The following DOCK1 variants were observed in gnomAD, a reference collection of about 807,000 sequenced individuals.
DOCK1 encodes the protein dedicator of cytokinesis protein 1.
A neutral mutation model predicts 262.7 loss-of-function variants in DOCK1; 138 were observed. The observed-to-expected ratio is 0.53, with a 90% CI of 0.46 to 0.61. The LOEUF (loss-of-function observed/expected upper bound fraction) is 0.61, where lower values mean the gene tolerates loss of function less well. DOCK1 is among the 20% of genes least tolerant of loss of function. DOCK1 has a pLI of 0.00. For synonymous variants in DOCK1, 866 were observed against 867.4 expected, an observed-to-expected ratio of 1.00 and a Z score of 0.03; for missense variants, 1,908 against 2,370.7, an observed-to-expected ratio of 0.80 and a Z score of 4.05.
intron 29 of DOCK1, among the ~76,000 whole-genome samples, chr10:127,285,035 G>C (rs2061098337): frequency 1.3e-5 from 2 of 151,890 alleles, no homozygotes; most frequent in South Asian, 2.1e-4. Context: ...CTACTCTGGA[G>C]GGTGAGGCAG....
At chr10:127,273,384 C>T (rs2060635178) in intron 29 of DOCK1, among the ~76,000 whole-genome samples, 1 of 152,198 alleles carries the variant, frequency 6.6e-6, no homozygotes, top group Non-Finnish European at 1.5e-5. Context: ...TAGGTGGCAG[C>T]TTTAGCTCAG....
chr10:127,132,576 C>A (rs1453712621), intron 27 of DOCK1, among the ~76,000 whole-genome samples: 1 of 152,166 alleles, frequency 6.6e-6, no homozygotes, highest in Non-Finnish European at 1.5e-5. Flanking sequence ...CATTTTTCCT[C>A]ATCACACACG....
At chr10:126,982,026 T>G in intron 4 of DOCK1, 53 bp downstream of exon 4, 21 of 1,561,636 alleles carry the variant, frequency 1.3e-5, no homozygotes, top group Non-Finnish European at 1.8e-5. Context: ...ATATTTGGCC[T>G]TGCTGCTCTT....
rs190659554 is a variant in DOCK1, at chr10:127,118,483, C to T, written c.2624-6991C>T. 2.4e-3 allele frequency among the ~76,000 whole-genome samples: 365 copies of T among 152,268 alleles called. 2 individuals carry two copies. Among genetic ancestry groups the T allele is most frequent in the African/African-American group, 8.6e-3 (358 of 41,550 alleles). On this transcript the variant is annotated intron_variant, in intron 25 of 51. Coordinates refer to ENST00000623213, the MANE Select transcript of DOCK1 (RefSeq NM_001290223.2). ...AGTAAAAGATACAAAATATCTGCTC[C>T]CCCACTGCCTTCCTTTAAAGGATGG...
intron 27 of DOCK1, among the ~76,000 whole-genome samples, chr10:127,188,091 A>C (rs574106299): frequency 6.6e-6 from 1 of 152,296 alleles, no homozygotes; most frequent in East Asian, 1.9e-4. Context: ...AGGGAGGTTG[A>C]GCCCCTTCCA....
chr10:127,091,930 G>C (rs2047557600), intron 23 of DOCK1, among the ~76,000 whole-genome samples: 1 of 152,160 alleles, frequency 6.6e-6, no homozygotes, highest in Non-Finnish European at 1.5e-5. Flanking sequence ...TTGGTACCGG[G>C]GAACCTGAGG....
At chr10:126,990,046 C>T (rs183333841) in intron 5 of DOCK1, among the ~76,000 whole-genome samples, 3 of 152,010 alleles carry the variant, frequency 2.0e-5, no homozygotes, top group Non-Finnish European at 4.4e-5. Context: ...TTCTGAAGAC[C>T]GTATGTAGGT....
At chr10:126,948,872 G>T (rs974326194) in intron 1 of DOCK1, among the ~76,000 whole-genome samples, 1 of 152,034 alleles carries the variant, frequency 6.6e-6, no homozygotes, top group Non-Finnish European at 1.5e-5. Context: ...ATGTGTGCTG[G>T]GCCTGGCCCA....
intron 27 of DOCK1, among the ~76,000 whole-genome samples, chr10:127,244,519 A>C (rs1344583825): frequency 1.3e-5 from 2 of 152,216 alleles, no homozygotes; most frequent in African/African-American, 2.4e-5. Context: ...ACAGCACACA[A>C]GAGTCCTCGT....
intron 30 of DOCK1, among the ~76,000 whole-genome samples, chr10:127,342,242 C>T (rs1032428640): frequency 9.2e-5 from 14 of 152,034 alleles, no homozygotes; most frequent in African/African-American, 1.4e-4. Context: ...TGATTCCTGC[C>T]GGTGCTGTGG....
intron 35 of DOCK1, among the ~76,000 whole-genome samples, chr10:127,375,615 G>A (rs61870296): frequency 0.049 from 7,428 of 152,304 alleles, 227 homozygotes; most frequent in Non-Finnish European, 0.07. Context: ...ACTTTTCATC[G>A]ACTATGGTAT....
At chr10:127,350,343 C>G (rs1025309312) in intron 31 of DOCK1, among the ~76,000 whole-genome samples, 2 of 152,184 alleles carry the variant, frequency 1.3e-5, no homozygotes, top group Non-Finnish European at 2.9e-5. Context: ...GGAGCCAGCT[C>G]TGTGTTCTGT....
chr10:127,327,530 G>A (rs2062794944), intron 29 of DOCK1, among the ~76,000 whole-genome samples: 1 of 152,194 alleles, frequency 6.6e-6, no homozygotes, highest in Non-Finnish European at 1.5e-5. Context: ...TTTGGCTTGA[G>A]GGAATGTTGT....
intron 23 of DOCK1, among the ~76,000 whole-genome samples, chr10:127,069,146 G>A (rs889982078): frequency 3.3e-5 from 5 of 152,304 alleles, no homozygotes; most frequent in East Asian, 1.9e-4. Context: ...CATTGGCGCC[G>A]TGTGTCTGCC....
At chr10:126,915,434 G>GA (rs1356161863) in intron 1 of DOCK1, among the ~76,000 whole-genome samples, 1 of 149,624 alleles carries the variant, frequency 6.7e-6, no homozygotes, top group Non-Finnish European at 1.5e-5. Context: ...TGGGGGCGGG[G>GA]GGGGGATGGA....
intron 10 of DOCK1, among the ~76,000 whole-genome samples, chr10:127,005,698 A>G (rs754241250): frequency 2.0e-5 from 3 of 152,242 alleles, no homozygotes; most frequent in Non-Finnish European, 4.4e-5. Context: ...ATAGTTTTAC[A>G]TAGCCAGGGT....
intron 31 of DOCK1, among the ~76,000 whole-genome samples, chr10:127,347,525 T>C (rs1444366643): frequency 2.0e-5 from 3 of 152,102 alleles, no homozygotes; most frequent in African/African-American, 4.8e-5. Context: ...CATCTACATA[T>C]GAGCAGAGAC....
chr10:127,150,538 C>T (rs546847405), intron 27 of DOCK1, among the ~76,000 whole-genome samples: 1 of 152,348 alleles, frequency 6.6e-6, no homozygotes, highest in South Asian at 2.1e-4. Context: ...TGCTGGGACC[C>T]TTAACTAACT....
rs751178935 is a variant in DOCK1, at chr10:127,410,911, A to G, written c.4415A>G (p.Asp1472Gly). Residue 1472 changes from aspartate to glycine, a missense_variant, in exon 43 of 52, where the codon GAC becomes GGC. Physicochemically the swap from Asp to Gly is moderately conservative, Grantham distance 94. Coordinates refer to ENST00000623213, the MANE Select transcript of DOCK1 (RefSeq NM_001290223.2). ...ATCCGGAAGGGAGAGAAAAACCCAGACAATGAATTTGCGGTAAAAAACAAA... is the reference window on the plus strand; with the variant it reads ...ATCCGGAAGGGAGAGAAAAACCCAGGCAATGAATTTGCGGTAAAAAACAAA... ...RPIRKGEKNP[D>G]NEFANMWIER... 1.9e-6 allele frequency: 3 copies of G among 1,613,632 alleles called. No individual in the cohort carries two copies. The highest frequency in any genetic ancestry group is 1.7e-5 in the Admixed American group (1 of 59,998).
Sources: gnomAD v4.1 joint callset for allele counts (sites outside exome capture counted in the v4.1 genomes callset) on GRCh38, gnomAD v4.1.1 for gene constraint, MANE v1.5 for transcripts, NCBI Gene and HGNC (gene_info 2026-07-23, HGNC 2026-07-21) for gene names.